The following OCA2 variants were observed in gnomAD, a reference collection of about 807,000 sequenced individuals.
OCA2 encodes the protein OCA2 melanosomal transmembrane protein, also known as P protein.
A neutral mutation model predicts 100.2 loss-of-function variants in OCA2; 77 were observed. The ratio of observed to expected loss-of-function variants is 0.77; its 90% CI spans 0.64 to 0.93. The LOEUF is 0.93. OCA2 is among the 40% of genes least tolerant of loss of function. OCA2 has a pLI of 0.00. For synonymous variants in OCA2, 432 were observed against 439.2 expected, an observed-to-expected ratio of 0.98 and a Z score of 0.21; for missense variants, 1,062 against 1,089.1, an observed-to-expected ratio of 0.98 and a Z score of 0.35.
chr15:27,899,067 A>G (rs1355049546), intron 19 of OCA2, among the ~76,000 whole-genome samples: 1 of 152,238 alleles, frequency 6.6e-6, no homozygotes, highest in Non-Finnish European at 1.5e-5. Flanking sequence ...GAATACGTGA[A>G]AATAATTATA....
Position 28,024,886 on chromosome 15 carries a change from G to A in OCA2, c.532C>T (p.Leu178=). Residue 178 remains leucine (L), a synonymous_variant, in exon 5 of 24, where the codon CTG becomes TTG. Coordinates refer to ENST00000354638, the MANE Select transcript of OCA2 (RefSeq NM_000275.3). ...LSKLRRCVQW[L]KVMGLFAFVV... is the part of the protein sequence containing the mutation. ...AAGGCAAACAGGCCCATGACTTTCA[G>A]CCACTGCACACAGCGCCTGCAAGAG... The A allele has an allele frequency of 6.2e-7, 1 of 1,614,190 alleles. No individual in the cohort carries two copies. The highest frequency in any genetic ancestry group is 1.1e-5 in the South Asian group (1 of 91,088).
intron 19 of OCA2, among the ~76,000 whole-genome samples, chr15:27,918,124 C>G (rs1172645401): frequency 1.5e-5 from 2 of 133,796 alleles, no homozygotes; most frequent in African/African-American, 5.7e-5. Context: ...GACAGAGTCT[C>G]ACTCTGTCAC....
chr15:27,756,818 C>T (rs2030412183), intron 23 of OCA2, among the ~76,000 whole-genome samples: 1 of 152,152 alleles, frequency 6.6e-6, no homozygotes, highest in African/African-American at 2.4e-5. Flanking sequence ...GGGGTGAATT[C>T]CACAAAAAGC....
intron 2 of OCA2, among the ~76,000 whole-genome samples, chr15:28,038,438 G>GA (rs1210299907): frequency 6.6e-6 from 1 of 152,074 alleles, no homozygotes; most frequent in Non-Finnish European, 1.5e-5. Flanking sequence ...ACGTAACACA[G>GA]AAAAAATACA....
intron 9 of OCA2, among the ~76,000 whole-genome samples, chr15:27,993,348 C>T (rs2041617666): frequency 6.6e-6 from 1 of 152,114 alleles, no homozygotes; most frequent in Non-Finnish European, 1.5e-5. Flanking sequence ...ATAATTGTCC[C>T]CGTGTCGGAA....
chr15:27,877,977 ATATTAT>A (rs897145675), intron 19 of OCA2, among the ~76,000 whole-genome samples: 10 of 150,594 alleles, frequency 6.6e-5, no homozygotes, highest in African/African-American at 9.7e-5. Flanking sequence ...GCTTTTAATA[ATATTAT>A]TATTAAGTAT....
At chr15:27,984,783 CAT>C (rs1179732147) in intron 13 of OCA2, among the ~76,000 whole-genome samples, 3 of 152,332 alleles carry the variant, frequency 2.0e-5, no homozygotes, top group Non-Finnish European at 4.4e-5. Context: ...TTCTTGTCCA[CAT>C]GTCTCCCCAT....
chr15:27,897,604 G>A (rs1175408237), intron 19 of OCA2, among the ~76,000 whole-genome samples: 1 of 152,234 alleles, frequency 6.6e-6, no homozygotes, highest in Non-Finnish European at 1.5e-5. Context: ...GGATGTCCAG[G>A]AGAAGTTTGC....
chr15:27,768,571 T>A (rs2031467950), intron 23 of OCA2, among the ~76,000 whole-genome samples: 1 of 152,236 alleles, frequency 6.6e-6, no homozygotes, highest in Admixed American at 6.5e-5. Context: ...CCTTAAAAAC[T>A]CTCTTGTAAC....
intron 18 of OCA2, among the ~76,000 whole-genome samples, chr15:27,933,911 T>C (rs1164990191): frequency 6.6e-6 from 1 of 152,266 alleles, no homozygotes; most frequent in East Asian, 1.9e-4. Flanking sequence ...CACTGAGTTG[T>C]ACAATTAAAA....
intron 2 of OCA2, 99 bp from the exon 3 acceptor site, chr15:28,032,262 GTGA>G: frequency 1.1e-6 from 1 of 948,776 alleles, no homozygotes; most frequent in Non-Finnish European, 1.7e-6. Context: ...CCAAGATTCA[GTGA>G]TAAATCTTAC....
chr15:27,993,962 A>G (rs1159783483), intron 9 of OCA2, among the ~76,000 whole-genome samples: 1 of 152,366 alleles, frequency 6.6e-6, no homozygotes, highest in East Asian at 1.9e-4. Flanking sequence ...AATGATGGAC[A>G]CTACTAAATT....
intron 9 of OCA2, among the ~76,000 whole-genome samples, chr15:28,012,094 T>A (rs2042259308): frequency 6.6e-6 from 1 of 152,096 alleles, no homozygotes. Context: ...TCAACATTTT[T>A]AAAAACAATT....
At chr15:27,883,686 T>C (rs1349604319) in intron 19 of OCA2, among the ~76,000 whole-genome samples, 1 of 152,156 alleles carries the variant, frequency 6.6e-6, no homozygotes. Context: ...GACCATCAGG[T>C]GTACCATGGC....
the OCA2 span, among the ~76,000 whole-genome samples, chr15:27,725,203 G>T: frequency 1.1e-4 from 17 of 152,328 alleles, no homozygotes; most frequent in Non-Finnish European, 2.2e-4. Flanking sequence ...ACTTTTACTA[G>T]TGCCTGTCTA....
chr15:28,010,329 A>T (rs1232342163), intron 9 of OCA2, among the ~76,000 whole-genome samples: 4 of 152,248 alleles, frequency 2.6e-5, no homozygotes, highest in African/African-American at 9.6e-5. Context: ...ATTGAGAACA[A>T]TGCCAGTCTT....
intron 21 of OCA2, among the ~76,000 whole-genome samples, chr15:27,855,427 T>C (rs1343068295): frequency 6.6e-6 from 1 of 152,204 alleles, no homozygotes; most frequent in Admixed American, 6.5e-5. Context: ...TTCTGTGCAG[T>C]TGCCCATGCC....
At position 27,981,264 on chromosome 15, in the gene OCA2, C is replaced by A. The variant is rs2041151973; in HGVS notation, c.1503+2081G>T. On this transcript the variant is annotated intron_variant, in intron 14 of 23. Coordinates refer to ENST00000354638, the MANE Select transcript of OCA2 (RefSeq NM_000275.3). ...ACCATTATAATAACACTTTTAATGT[C>A]CTAGTCTGCTAATTCTAACACCTGT... is the stretch of plus-strand genomic sequence containing the variant. Among the ~76,000 whole-genome samples the A allele has an allele frequency of 3.3e-5, 5 of 152,144 alleles. No homozygotes were observed. The South Asian group carries it at 1.0e-3, about 31-fold the overall frequency.
chr15:28,070,216 G>A (rs1218482569), intron 2 of OCA2, among the ~76,000 whole-genome samples: 33 of 131,182 alleles, frequency 2.5e-4, no homozygotes, highest in Admixed American at 1.6e-3. Context: ...CAGCTGCCCC[G>A]TCTGAGAAGT....
Sources: allele counts gnomAD v4.1 joint callset (sites outside exome capture counted in the v4.1 genomes callset), GRCh38; gene constraint gnomAD v4.1.1; transcripts MANE v1.5; gene names NCBI Gene and HGNC (gene_info 2026-07-23, HGNC 2026-07-21).